The following CTIF variants were observed in gnomAD, a reference collection of about 807,000 sequenced individuals.
CTIF encodes CBP80/20-dependent translation initiation factor.
Under a neutral mutation model 66.0 loss-of-function variants are expected in CTIF, and 21 were observed. The ratio of observed to expected loss-of-function variants is 0.32; its 90% CI spans 0.23 to 0.46. CTIF has a LOEUF of 0.46. CTIF is among the 20% of genes least tolerant of loss of function. The pLI is 1.00. For missense variants in CTIF, 739 were observed against 812.7 expected (o/e 0.91, Z 1.10); for synonymous variants, 345 against 326.4 (o/e 1.06, Z -0.62).
intron 1 of CTIF, among the ~76,000 whole-genome samples, chr18:48,577,327 C>T (rs16949513): frequency 0.076 from 11,573 of 152,148 alleles, 576 homozygotes; most frequent in African/African-American, 0.13. Flanking sequence ...AATCCAGAGA[C>T]GGTGTGTAGG....
Position 48,781,382 on chromosome 18 carries a change from C to G in CTIF, c.1371+19693C>G, listed in dbSNP as rs543160651. ...GTCACAGTCTAGGGCAAAGAGGGTG[C>G]GGGGGATTTGGCCGGGCCCCAGGGG... On this transcript the variant is annotated intron_variant, in intron 9 of 11. Coordinates refer to ENST00000256413, the MANE Select transcript of CTIF (RefSeq NM_014772.3). 4.2e-3 allele frequency among the ~76,000 whole-genome samples: 637 copies of G among 152,176 alleles called. 2 individuals carry two copies. Among genetic ancestry groups the G allele is most frequent in the Middle Eastern group, 6.8e-3 (2 of 294 alleles).
At chr18:48,822,505 A>AACACACAC (rs56745285) in intron 10 of CTIF, among the ~76,000 whole-genome samples, 12 of 107,680 alleles carry the variant, frequency 1.1e-4, no homozygotes, top group African/African-American at 4.0e-4. Context: ...CCCCACCCCC[A>AACACACAC]ACACACACAC....
chr18:48,624,154 C>T (rs1262878509), intron 2 of CTIF, among the ~76,000 whole-genome samples: 3 of 144,852 alleles, frequency 2.1e-5, no homozygotes, highest in African/African-American at 7.8e-5. Context: ...CCATGCTTGA[C>T]ACCACGCCCC....
chr18:48,672,790 C>A lies in CTIF; in HGVS notation c.507+2046C>A, dbSNP rs527869636. On this transcript the variant is annotated intron_variant, in intron 6 of 11. Transcript: ENST00000256413. ...TGTTCTCAACCCACAGAGGCCCAGA[C>A]CCCCATCTCCGGCCCCTTCTGTCCC... Among the ~76,000 whole-genome samples the A allele has an allele frequency of 7.9e-5, 12 of 152,268 alleles. No homozygotes were observed. The South Asian group carries it at 2.1e-3, about 26-fold the overall frequency.
intron 6 of CTIF, among the ~76,000 whole-genome samples, chr18:48,672,183 A>G (rs2091546930): frequency 6.6e-6 from 1 of 150,994 alleles, no homozygotes; most frequent in Non-Finnish European, 1.5e-5. Flanking sequence ...TTGGTGTTTG[A>G]GGAATTTGCG....
At chr18:48,696,735 G>C (rs556425187) in intron 6 of CTIF, among the ~76,000 whole-genome samples, 1 of 152,322 alleles carries the variant, frequency 6.6e-6, no homozygotes, top group Non-Finnish European at 1.5e-5. Flanking sequence ...TTCAGGCAGA[G>C]GAAACTGAAG....
At position 48,591,189 on chromosome 18, in the gene CTIF, A is replaced by T. The variant is rs139047037; in HGVS notation, c.-28-28349A>T. ...ATCTCATGTTCTATAGCTCAGATCT[A>T]CTCAGGAGGCAGTCCGATGGCCTCA... On this transcript the variant is annotated intron_variant, in intron 1 of 11. Transcript: ENST00000256413. Among the ~76,000 whole-genome samples the T allele has an allele frequency of 1.1e-3, 166 of 152,226 alleles. 2 individuals are homozygous for T. The highest frequency in any genetic ancestry group is 4.0e-3 in the African/African-American group (166 of 41,548).
At chr18:48,617,381 T>C (rs779009824) in intron 1 of CTIF, among the ~76,000 whole-genome samples, 8 of 152,224 alleles carry the variant, frequency 5.3e-5, no homozygotes, top group Non-Finnish European at 7.3e-5. Context: ...AGTCGACTAA[T>C]TTGGGATTTA....
chr18:48,689,381 A>G (rs567878865), intron 6 of CTIF, among the ~76,000 whole-genome samples: 1 of 152,332 alleles, frequency 6.6e-6, no homozygotes, highest in Non-Finnish European at 1.5e-5. Context: ...AAGCATGCAG[A>G]AGCAGCAGCC....
intron 2 of CTIF, chr18:48,625,172 G>C: frequency 1.0e-6 from 1 of 980,580 alleles, no homozygotes; most frequent in Middle Eastern, 5.2e-4. Flanking sequence ...CATTTTTCCT[G>C]ATGTCTTTGC....
chr18:48,828,916 C>T (rs904631643), intron 10 of CTIF, among the ~76,000 whole-genome samples: 11 of 152,236 alleles, frequency 7.2e-5, no homozygotes, highest in South Asian at 2.1e-4. Flanking sequence ...CTCCTTCCCC[C>T]GCCTGCTCCT....
chr18:48,616,966 A>G (rs2090411652), intron 1 of CTIF, among the ~76,000 whole-genome samples: 1 of 152,256 alleles, frequency 6.6e-6, no homozygotes, highest in African/African-American at 2.4e-5. Context: ...AAACAGCAGC[A>G]TAAAACAATA....
At chr18:48,591,450 A>G (rs1190253650) in intron 1 of CTIF, among the ~76,000 whole-genome samples, 1 of 152,206 alleles carries the variant, frequency 6.6e-6, no homozygotes, top group Non-Finnish European at 1.5e-5. Flanking sequence ...CCCCACGTCC[A>G]GTATGTGCCC....
chr18:48,679,840 C>T (rs942918982), intron 6 of CTIF, among the ~76,000 whole-genome samples: 6 of 152,136 alleles, frequency 3.9e-5, no homozygotes, highest in Non-Finnish European at 2.9e-5. Context: ...GGAGGTAGAC[C>T]TGGAACTGGG....
chr18:48,757,601 T>C (rs1280233434), intron 7 of CTIF, among the ~76,000 whole-genome samples: 1 of 152,242 alleles, frequency 6.6e-6, no homozygotes, highest in Non-Finnish European at 1.5e-5. Flanking sequence ...GAGGGTTCAC[T>C]GTTATCTGCT....
chr18:48,578,429 T>G (rs777437448), intron 1 of CTIF, among the ~76,000 whole-genome samples: 3 of 152,218 alleles, frequency 2.0e-5, no homozygotes, highest in Non-Finnish European at 4.4e-5. Context: ...TGCACCACTT[T>G]ACAATCGCTT....
At chr18:48,569,110 TC>T (rs1470049317) in intron 1 of CTIF, among the ~76,000 whole-genome samples, 1 of 152,178 alleles carries the variant, frequency 6.6e-6, no homozygotes, top group Non-Finnish European at 1.5e-5. Context: ...TGAATTAGGG[TC>T]CACTGACATG....
chr18:48,562,336 C>T (rs1163804281), intron 1 of CTIF, among the ~76,000 whole-genome samples: 2 of 152,230 alleles, frequency 1.3e-5, no homozygotes, highest in African/African-American at 2.4e-5. Flanking sequence ...TCAGGTCACA[C>T]AGCTACTAAG....
Position 48,859,793 on chromosome 18 carries a change from A to G in CTIF, c.*234A>G. 1 of 683,674 alleles carries G rather than the reference A, an allele frequency of 1.5e-6. No individual in the cohort carries two copies. The highest frequency in any genetic ancestry group is 2.7e-6 in the Non-Finnish European group (1 of 372,832). The allele number at this position is 683,674 out of a possible 1,614,324, so 42.4% of individuals were successfully genotyped here. A position where few individuals can be genotyped will look rare whatever the true frequency, so the allele number is the denominator to read the frequency against. ...GCAAGCTCACACCAATAAGGGAAGCATGTTTCTTTTTCCTGGTGGCCCTGG... is the reference window on the plus strand; with the variant it reads ...GCAAGCTCACACCAATAAGGGAAGCGTGTTTCTTTTTCCTGGTGGCCCTGG... On this transcript the variant is annotated 3_prime_UTR_variant, in exon 12 of 12. Coordinates refer to ENST00000256413, the MANE Select transcript of CTIF (RefSeq NM_014772.3).
Sources: gnomAD v4.1 joint callset for allele counts (sites outside exome capture counted in the v4.1 genomes callset) on GRCh38, gnomAD v4.1.1 for gene constraint, MANE v1.5 for transcripts, NCBI Gene and HGNC (gene_info 2026-07-23, HGNC 2026-07-21) for gene names.